The following SGK1 variants were observed in gnomAD, a reference collection of about 807,000 sequenced individuals.
SGK1 encodes the protein serum/glucocorticoid regulated kinase 1, also known as serine/threonine-protein kinase Sgk1.
Under a neutral mutation model 64.2 loss-of-function variants are expected in SGK1, and 26 were observed. That is an observed-to-expected ratio of 0.40 (90% CI 0.30 to 0.56). SGK1 has a LOEUF of 0.56. SGK1 is among the 20% of genes least tolerant of loss of function. SGK1 has a pLI of 0.38. For missense variants in SGK1, 519 were observed against 645.6 expected, an observed-to-expected ratio of 0.80 and a Z score of 2.12; for synonymous variants, 265 against 239.7, an observed-to-expected ratio of 1.11 and a Z score of -0.98.
At chr6:134,192,358 A>G (rs1470703441) in intron 3 of SGK1, among the ~76,000 whole-genome samples, 1 of 152,162 alleles carries the variant, frequency 6.6e-6, no homozygotes, top group Non-Finnish European at 1.5e-5. Context: ...GTTCACTGAC[A>G]TCTACTTTAA....
intron 3 of SGK1, among the ~76,000 whole-genome samples, chr6:134,204,315 TG>T (rs1775733577): frequency 6.6e-6 from 1 of 151,660 alleles, no homozygotes; most frequent in Admixed American, 6.6e-5. Context: ...AGTTGGTGAC[TG>T]GGAAGGATCT....
intron 2 of SGK1, among the ~76,000 whole-genome samples, chr6:134,208,283 G>A (rs1316233186): frequency 2.0e-5 from 3 of 152,098 alleles, no homozygotes; most frequent in African/African-American, 7.2e-5. Flanking sequence ...TATGCAATAT[G>A]TATTATTTAG....
At chr6:134,305,290 C>T (rs946354195) in intron 1 of SGK1, among the ~76,000 whole-genome samples, 5 of 136,144 alleles carry the variant, frequency 3.7e-5, no homozygotes, top group South Asian at 2.4e-4. Context: ...ACCCCAGAGG[C>T]GGAGGTTGCA....
chr6:134,239,657 A>G (rs1776413565), intron 2 of SGK1, among the ~76,000 whole-genome samples: 1 of 152,212 alleles, frequency 6.6e-6, no homozygotes. Context: ...CAGACATTTG[A>G]AGGTGGCCCC....
chr6:134,205,656 G>A (rs1194147410), intron 3 of SGK1, among the ~76,000 whole-genome samples: 2 of 152,148 alleles, frequency 1.3e-5, no homozygotes, highest in African/African-American at 2.4e-5. Flanking sequence ...GCGAGCTTTG[G>A]ATATGTCAGC....
chr6:134,234,869 T>G (rs1328209724), intron 2 of SGK1, among the ~76,000 whole-genome samples: 2 of 152,094 alleles, frequency 1.3e-5, no homozygotes, highest in Admixed American at 1.3e-4. Flanking sequence ...AGAGTGAAAC[T>G]CCATCTTATA....
At chr6:134,173,977 C>T (rs1263937457) in intron 5 of SGK1, 28 bp downstream of exon 5, 2 of 1,529,810 alleles carry the variant, frequency 1.3e-6, no homozygotes, top group East Asian at 4.5e-5. Flanking sequence ...CAGTTCTCCA[C>T]AGATGCACGG....
intron 2 of SGK1, among the ~76,000 whole-genome samples, chr6:134,222,659 G>A (rs1244054822): frequency 6.6e-6 from 1 of 152,064 alleles, no homozygotes; most frequent in Non-Finnish European, 1.5e-5. Flanking sequence ...CTAATGACTG[G>A]CTGTTTTCAT....
intron 1 of SGK1, among the ~76,000 whole-genome samples, chr6:134,301,552 T>C (rs376360151): frequency 1.5e-5 from 1 of 68,092 alleles, no homozygotes; most frequent in Non-Finnish European, 2.8e-5. Flanking sequence ...TCTTCTCTTC[T>C]CTTCTCTTCT....
intron 1 of SGK1, among the ~76,000 whole-genome samples, chr6:134,283,362 G>A (rs186251328): frequency 2.6e-5 from 4 of 151,928 alleles, no homozygotes; most frequent in African/African-American, 9.7e-5. Flanking sequence ...GTGGTGGCAC[G>A]TGCCTGTAAT....
chr6:134,231,215 G>C (rs900701550), intron 2 of SGK1, among the ~76,000 whole-genome samples: 2 of 152,014 alleles, frequency 1.3e-5, no homozygotes, highest in African/African-American at 4.8e-5. Context: ...AATCCCAAAA[G>C]ATAACTTGGG....
rs781107738 is a variant in SGK1, at chr6:134,317,381, C to A, written c.69+11G>T. 1.9e-6 allele frequency: 3 copies of A among 1,551,972 alleles called. No homozygotes were observed. In the South Asian group the frequency reaches 3.3e-5, roughly 17 times the overall value. On this transcript the variant is annotated intron_variant, in intron 1 of 13. Transcript: ENST00000367858. ...CAGAAAACAAAAGAAATAAGCAAAACCTGTCCTTACCCGCTTCTTAAAAAA... is the reference window on the plus strand; with the variant it reads ...CAGAAAACAAAAGAAATAAGCAAAAACTGTCCTTACCCGCTTCTTAAAAAA...
intron 2 of SGK1, among the ~76,000 whole-genome samples, chr6:134,216,458 C>T (rs896473414): frequency 3.3e-5 from 5 of 152,168 alleles, no homozygotes; most frequent in South Asian, 2.1e-4. Context: ...GATATAATAC[C>T]GTCTTGCAAA....
intron 2 of SGK1, among the ~76,000 whole-genome samples, chr6:134,258,471 G>A (rs1036608356): frequency 2.0e-5 from 3 of 152,104 alleles, no homozygotes; most frequent in African/African-American, 4.8e-5. Context: ...TTGGGAGGCC[G>A]AGGCAGGCGA....
At chr6:134,292,090 G>A (rs1486372979) in intron 1 of SGK1, among the ~76,000 whole-genome samples, 1 of 150,656 alleles carries the variant, frequency 6.6e-6, no homozygotes, top group Non-Finnish European at 1.5e-5. Flanking sequence ...TAGATTTTTT[G>A]AAATTTTGTT....
chr6:134,169,516 T>A lies in SGK1; in HGVS notation c.*752A>T, dbSNP rs1044300082. On this transcript the variant is annotated 3_prime_UTR_variant, in exon 14 of 14. Coordinates refer to ENST00000367858, the MANE Select transcript of SGK1 (RefSeq NM_001143676.3). ...AATAATGCCCATTTTACAGGTGACA[T>A]TTTAAACAATGAAAAACACCAACGG... 6.6e-6 allele frequency: 1 copy of A among 152,314 alleles called. No homozygotes were observed. The highest frequency in any genetic ancestry group is 1.5e-5 in the Non-Finnish European group (1 of 67,968). The allele number at this position is 152,314 out of a possible 1,614,324, so 9.4% of individuals were successfully genotyped here.
At chr6:134,182,637 G>C (rs1208913570) in intron 3 of SGK1, among the ~76,000 whole-genome samples, 1 of 152,120 alleles carries the variant, frequency 6.6e-6, no homozygotes, top group Non-Finnish European at 1.5e-5. Context: ...ACAGTGCAAA[G>C]GGTTCCAACA....
At chr6:134,186,688 C>G (rs1775428623) in intron 3 of SGK1, among the ~76,000 whole-genome samples, 1 of 152,218 alleles carries the variant, frequency 6.6e-6, no homozygotes. Context: ...TCTGAAGAGT[C>G]TGGGCCATTC....
intron 1 of SGK1, among the ~76,000 whole-genome samples, chr6:134,301,463 CA>C (rs1777451730): frequency 6.6e-6 from 1 of 152,182 alleles, no homozygotes; most frequent in Admixed American, 6.5e-5. Context: ...ACAGAAGCCA[CA>C]ACTGAGTATT....
Sources: allele counts gnomAD v4.1 joint callset (sites outside exome capture counted in the v4.1 genomes callset), GRCh38; gene constraint gnomAD v4.1.1; transcripts MANE v1.5; gene names NCBI Gene and HGNC (gene_info 2026-07-23, HGNC 2026-07-21).